The following NTM variants were observed in gnomAD, a reference collection of about 807,000 sequenced individuals.
NTM encodes neurotrimin, also known as IgLON family member 2.
NTM carries 13 observed loss-of-function variants against 42.1 expected under a neutral mutation model. The observed-to-expected ratio is 0.31, with a 90% CI of 0.20 to 0.49. The LOEUF is 0.49. Ranked by LOEUF, NTM falls within the 20% of genes least tolerant of loss-of-function variation. The pLI is 0.99. For missense variants in NTM, 373 were observed against 452.8 expected, an observed-to-expected ratio of 0.82 and a Z score of 1.60; for synonymous variants, 187 against 179.2, an observed-to-expected ratio of 1.04 and a Z score of -0.35.
At chr11:131,524,697 G>A (rs2136603730) in intron 1 of NTM, among the ~76,000 whole-genome samples, 1 of 152,340 alleles carries the variant, frequency 6.6e-6, no homozygotes, top group Middle Eastern at 3.4e-3. Context: ...ACGTAATTTA[G>A]CAAATAAGTT....
chr11:131,468,517 T>C (rs74880537), intron 1 of NTM, among the ~76,000 whole-genome samples: 2,576 of 152,342 alleles, frequency 0.017, 71 homozygotes, highest in African/African-American at 0.058. Context: ...TGGGCCGATA[T>C]GCAGAGTAAT....
At chr11:131,968,680 A>G (rs1294176182) in intron 2 of NTM, among the ~76,000 whole-genome samples, 1 of 152,162 alleles carries the variant, frequency 6.6e-6, no homozygotes, top group East Asian at 1.9e-4. Context: ...CAGCGTTTCA[A>G]GCTATGGGGT....
chr11:131,680,587 CTGTG>C (rs2072400538), intron 1 of NTM, among the ~76,000 whole-genome samples: 1 of 149,376 alleles, frequency 6.7e-6, no homozygotes, highest in African/African-American at 2.5e-5. Flanking sequence ...GCCTCTGTGT[CTGTG>C]TGTGAGATCA....
At chr11:131,869,382 C>G in intron 1 of NTM, among the ~76,000 whole-genome samples, 1 of 152,200 alleles carries the variant, frequency 6.6e-6, no homozygotes, top group East Asian at 1.9e-4. Flanking sequence ...TTCTACCTTT[C>G]GTAGCTTGAA....
At chr11:132,122,780 G>A (rs530459221) in intron 2 of NTM, among the ~76,000 whole-genome samples, 6 of 152,256 alleles carry the variant, frequency 3.9e-5, no homozygotes, top group African/African-American at 1.4e-4. Flanking sequence ...CTTAGTTGGC[G>A]TTTCTTTAAA....
chr11:132,226,277 G>A (rs2086255376), intron 4 of NTM, among the ~76,000 whole-genome samples: 1 of 152,134 alleles, frequency 6.6e-6, no homozygotes, highest in Non-Finnish European at 1.5e-5. Context: ...GATCCTTTAG[G>A]AATTGCCACA....
intron 2 of NTM, among the ~76,000 whole-genome samples, chr11:131,975,563 A>T (rs1235319439): frequency 1.3e-5 from 2 of 152,174 alleles, no homozygotes; most frequent in Admixed American, 1.3e-4. Context: ...ACCTCCAAAC[A>T]AAACCCCAAT....
intron 1 of NTM, among the ~76,000 whole-genome samples, chr11:131,557,949 G>T (rs765047953): frequency 6.6e-6 from 1 of 152,120 alleles, no homozygotes; most frequent in African/African-American, 2.4e-5. Flanking sequence ...TCTGCATCAA[G>T]GTAACTGAAA....
intron 2 of NTM, among the ~76,000 whole-genome samples, chr11:132,118,757 G>A (rs1001245395): frequency 2.0e-5 from 3 of 152,240 alleles, no homozygotes; most frequent in Admixed American, 6.5e-5. Context: ...AAATGAGATC[G>A]CAGCGTCAGA....
chr11:131,566,394 C>T (rs1247273333), intron 1 of NTM, among the ~76,000 whole-genome samples: 2 of 151,596 alleles, frequency 1.3e-5, no homozygotes, highest in Admixed American at 6.6e-5. Flanking sequence ...CTCCCCGTAC[C>T]TGCCACTGGT....
chr11:132,167,564 T>C (rs559859156), intron 3 of NTM, among the ~76,000 whole-genome samples: 1 of 152,358 alleles, frequency 6.6e-6, no homozygotes, highest in African/African-American at 2.4e-5. Context: ...ATTCAAGCAA[T>C]GGCTGTCATG....
rs535742989 is a variant in NTM at position 132,069,701 on chromosome 11, C to T, written c.168-76581C>T. The stretch of plus-strand genomic sequence containing the variant: ...ATCACAGGTTAGTTAACACGTCACA[C>T]AGCCAGGTTAACACGTCACACTGAC... On this transcript the variant is annotated intron_variant, in intron 2 of 8. Transcript: ENST00000683400. 3.7e-3 allele frequency among the ~76,000 whole-genome samples: 560 copies of T among 150,244 alleles called. 6 individuals are homozygous for T. The highest frequency in any genetic ancestry group is 6.7e-3 in the Non-Finnish European group (449 of 67,430).
At chr11:132,282,662 G>A (rs1370935768) in intron 4 of NTM, among the ~76,000 whole-genome samples, 1 of 152,144 alleles carries the variant, frequency 6.6e-6, no homozygotes, top group Non-Finnish European at 1.5e-5. Context: ...AACTCAGTTG[G>A]AATAAGTTTT....
chr11:131,994,129 G>A (rs2067552941), intron 2 of NTM, among the ~76,000 whole-genome samples: 2 of 152,128 alleles, frequency 1.3e-5, no homozygotes, highest in Admixed American at 1.3e-4. Flanking sequence ...TTAGCCAATG[G>A]TATGAAACAC....
intron 2 of NTM, among the ~76,000 whole-genome samples, chr11:132,009,977 T>C (rs544395509): frequency 8.5e-4 from 130 of 152,324 alleles, no homozygotes; most frequent in Non-Finnish European, 1.4e-3. Context: ...GGAAGGTCAC[T>C]GAGCTGACCG....
chr11:132,183,724 G>T (rs2138097488), intron 3 of NTM, among the ~76,000 whole-genome samples: 1 of 152,268 alleles, frequency 6.6e-6, no homozygotes, highest in East Asian at 1.9e-4. Flanking sequence ...AAAGTAAAGT[G>T]TGGAACTTGG....
chr11:131,615,351 TTC>T (rs142402475), intron 1 of NTM, among the ~76,000 whole-genome samples: 5 of 150,458 alleles, frequency 3.3e-5, no homozygotes, highest in South Asian at 4.2e-4. Context: ...TCATAGCAAG[TTC>T]TCTCTCTCTC....
At chr11:131,781,747 G>A (rs1418091880) in intron 1 of NTM, among the ~76,000 whole-genome samples, 1 of 152,158 alleles carries the variant, frequency 6.6e-6, no homozygotes, top group Non-Finnish European at 1.5e-5. Context: ...TGAAGACAGT[G>A]ATCCTTGAGG....
In NTM at chr11:132,336,496, AACAG is replaced by A. The variant is rs778767140; in HGVS notation, c.*1355_*1358del. On this transcript the variant is annotated 3_prime_UTR_variant, in exon 9 of 9. Transcript: ENST00000683400. ...TTTCTCCATTCTGCCCTGTGGCGTTAACAGACAGCAAGCAGCTGAACAAGCAGTA... is the reference window on the plus strand; with the variant it reads ...TTTCTCCATTCTGCCCTGTGGCGTTAACAGCAAGCAGCTGAACAAGCAGTA... 1 of 152,562 alleles carries A rather than the reference AACAG, an allele frequency of 6.6e-6. No individual in the cohort carries two copies. The highest frequency in any genetic ancestry group is 1.5e-5 in the Non-Finnish European group (1 of 68,036). 9.5% of individuals were successfully genotyped at this position (152,562 alleles called of 1,614,324 possible). A position where few individuals can be genotyped will look rare whatever the true frequency, so the allele number is the denominator to read the frequency against.
Sources: allele counts gnomAD v4.1 joint callset (sites outside exome capture counted in the v4.1 genomes callset), GRCh38; gene constraint gnomAD v4.1.1; transcripts MANE v1.5; gene names NCBI Gene and HGNC (gene_info 2026-07-23, HGNC 2026-07-21).